The following PTPRT variants were observed in gnomAD, a reference collection of about 807,000 sequenced individuals.
PTPRT encodes the protein protein tyrosine phosphatase receptor type T.
Under a neutral mutation model 176.8 loss-of-function variants are expected in PTPRT, and 56 were observed. That is an observed-to-expected ratio of 0.32 (90% CI 0.26 to 0.40). The LOEUF is 0.40. Among genes scored for constraint, PTPRT ranks in the 10% least tolerant of loss-of-function variants. The pLI is 1.00. For synonymous variants in PTPRT, 783 were observed against 739.0 expected (o/e 1.06, Z -0.96); for missense variants, 1,540 against 1,908.2 (o/e 0.81, Z 3.60).
the PTPRT span, among the ~76,000 whole-genome samples, chr20:42,059,064 G>A: frequency 6.6e-6 from 1 of 152,180 alleles, no homozygotes; most frequent in South Asian, 2.1e-4. Context: ...AAGCTTTCCA[G>A]TGCTTTTGCT....
At chr20:42,652,445 G>T (rs1013476683) in intron 7 of PTPRT, among the ~76,000 whole-genome samples, 2 of 152,148 alleles carry the variant, frequency 1.3e-5, no homozygotes, top group Non-Finnish European at 2.9e-5. Context: ...GAAGCAGGGT[G>T]TTGTAACTTT....
intron 1 of PTPRT, among the ~76,000 whole-genome samples, chr20:43,182,179 T>A (rs1408659973): frequency 6.6e-6 from 1 of 151,920 alleles, no homozygotes; most frequent in East Asian, 1.9e-4. Context: ...GAGAAATGGG[T>A]TTGTGGTCTT....
the PTPRT span, among the ~76,000 whole-genome samples, chr20:42,048,609 AG>A: frequency 3.2e-3 from 487 of 152,278 alleles, 8 homozygotes; most frequent in African/African-American, 0.011. Context: ...CCCTACTGAC[AG>A]CCAGCATCAA....
chr20:42,060,242 T>C, the PTPRT span, among the ~76,000 whole-genome samples: 1 of 152,166 alleles, frequency 6.6e-6, no homozygotes, highest in African/African-American at 2.4e-5. Context: ...AGGGTCTTTA[T>C]ACAACATTGG....
In PTPRT at chr20:42,316,647, C is replaced by T. The variant is rs551876631; in HGVS notation, c.1866-651G>A. Among the ~76,000 whole-genome samples the T allele has an allele frequency of 1.6e-3, 245 of 152,330 alleles. 1 individual carries two copies. Among genetic ancestry groups the T allele is most frequent in the Middle Eastern group, 6.8e-3 (2 of 294 alleles). Reference sequence around the variant, plus strand: ...TGGCATTTGAAGTCCTCTGTGCCTGCCTTCTGTCTTCCATTTAGAAGGTCT... The same window carrying T: ...TGGCATTTGAAGTCCTCTGTGCCTGTCTTCTGTCTTCCATTTAGAAGGTCT... On this transcript the variant is annotated intron_variant, in intron 11 of 30. Coordinates refer to ENST00000373187, the MANE Select transcript of PTPRT (RefSeq NM_007050.6).
At chr20:43,070,836 G>A (rs189411026) in intron 1 of PTPRT, among the ~76,000 whole-genome samples, 18 of 151,538 alleles carry the variant, frequency 1.2e-4, no homozygotes, top group Admixed American at 2.0e-4. Flanking sequence ...GGGGTGGGGG[G>A]AAGGAAAGCA....
intron 7 of PTPRT, among the ~76,000 whole-genome samples, chr20:42,597,849 G>C (rs767073010): frequency 1.3e-5 from 2 of 152,090 alleles, no homozygotes; most frequent in Non-Finnish European, 2.9e-5. Flanking sequence ...CCAAAGGGAG[G>C]GGATTAAAGA....
At chr20:43,005,515 C>G (rs1984807041) in intron 1 of PTPRT, among the ~76,000 whole-genome samples, 1 of 152,170 alleles carries the variant, frequency 6.6e-6, no homozygotes, top group Non-Finnish European at 1.5e-5. Flanking sequence ...CTACAACACC[C>G]TGCTTGTCTC....
At chr20:43,010,468 A>G (rs756449797) in intron 1 of PTPRT, among the ~76,000 whole-genome samples, 5 of 152,142 alleles carry the variant, frequency 3.3e-5, no homozygotes, top group Non-Finnish European at 7.3e-5. Flanking sequence ...CATAGTGTCT[A>G]CTGGATCAAA....
the PTPRT span, among the ~76,000 whole-genome samples, chr20:42,060,987 C>T: frequency 6.6e-6 from 1 of 152,188 alleles, no homozygotes; most frequent in African/African-American, 2.4e-5. Flanking sequence ...TCCTTAGCTT[C>T]TTCATGCTTC....
At chr20:42,746,810 G>A (rs1008657101) in intron 6 of PTPRT, among the ~76,000 whole-genome samples, 2 of 152,140 alleles carry the variant, frequency 1.3e-5, no homozygotes, top group Non-Finnish European at 2.9e-5. Flanking sequence ...GAGATGAGAG[G>A]AGGAGGTAAG....
rs149263727 is a variant in PTPRT at position 42,636,359 on chromosome 20, T to C, written c.1153+41507A>G. Among the ~76,000 whole-genome samples the C allele has an allele frequency of 2.6e-3, 392 of 152,202 alleles. 4 individuals carry two copies. The highest frequency in any genetic ancestry group is 8.8e-3 in the African/African-American group (367 of 41,504). On this transcript the variant is annotated intron_variant, in intron 7 of 30. Transcript: ENST00000373187. ...CTCTTCCTGCTATACTTCAAACAGA[T>C]AGAATCATTTTACAAAATAAAATTA...
chr20:42,083,465 G>C (rs1204439834), intron 29 of PTPRT, among the ~76,000 whole-genome samples: 1 of 152,196 alleles, frequency 6.6e-6, no homozygotes, highest in Non-Finnish European at 1.5e-5. Flanking sequence ...GCATCTTCCT[G>C]AACTCTAGCC....
chr20:42,889,642 C>A (rs1302266071), intron 1 of PTPRT, among the ~76,000 whole-genome samples: 2 of 152,186 alleles, frequency 1.3e-5, no homozygotes, highest in East Asian at 1.9e-4. Context: ...TGAATCCCAG[C>A]AATACACACA....
intron 9 of PTPRT, among the ~76,000 whole-genome samples, chr20:42,426,278 GAAGAA>G (rs919486423): frequency 2.0e-5 from 3 of 152,052 alleles, no homozygotes; most frequent in African/African-American, 7.2e-5. Context: ...AAACAGAAGA[GAAGAA>G]GAGTAACAGA....
At chr20:42,813,571 T>C (rs2077732648) in intron 2 of PTPRT, among the ~76,000 whole-genome samples, 1 of 152,156 alleles carries the variant, frequency 6.6e-6, no homozygotes, top group Admixed American at 6.5e-5. Context: ...CTCGGGTGGC[T>C]CCATCCTGAC....
intron 6 of PTPRT, among the ~76,000 whole-genome samples, chr20:42,742,055 T>C (rs148441011): frequency 4.7e-4 from 71 of 152,316 alleles, no homozygotes; most frequent in East Asian, 2.7e-3. Flanking sequence ...AGGTGAGTCA[T>C]AGAAGAAAAG....
At chr20:42,142,472 G>A (rs1988674350) in intron 17 of PTPRT, among the ~76,000 whole-genome samples, 1 of 152,142 alleles carries the variant, frequency 6.6e-6, no homozygotes, top group Non-Finnish European at 1.5e-5. Context: ...CAGAATAAAG[G>A]GATAGTGATG....
chr20:43,179,718 C>A (rs1209497947), intron 1 of PTPRT, among the ~76,000 whole-genome samples: 1 of 152,214 alleles, frequency 6.6e-6, no homozygotes, highest in Non-Finnish European at 1.5e-5. Context: ...AAGCCTGACA[C>A]TGAACTGGCA....
Sources: gnomAD v4.1 joint callset for allele counts (sites outside exome capture counted in the v4.1 genomes callset) on GRCh38, gnomAD v4.1.1 for gene constraint, MANE v1.5 for transcripts, NCBI Gene and HGNC (gene_info 2026-07-23, HGNC 2026-07-21) for gene names.